PDE6D: variants seen among roughly 807,000 people sequenced by gnomAD.
The protein encoded by PDE6D is retinal rod rhodopsin-sensitive cGMP 3',5'-cyclic phosphodiesterase subunit delta.
PDE6D carries 10 observed loss-of-function variants against 21.9 expected under a neutral mutation model. The ratio of observed to expected loss-of-function variants is 0.46; its 90% CI spans 0.28 to 0.78. The LOEUF (loss-of-function observed/expected upper bound fraction) is 0.78. Ranked by LOEUF, PDE6D falls within the 30% of genes least tolerant of loss-of-function variation. The probability of loss-of-function intolerance (pLI) is 0.12; values close to 1 mark genes in which losing one functional copy is unlikely to be tolerated. For synonymous variants in PDE6D, 59 were observed against 63.5 expected (o/e 0.93, Z 0.34); for missense variants, 139 against 184.8 (o/e 0.75, Z 1.44).
chr2:231,755,974 C>T (rs1391826134), intron 1 of PDE6D, among the ~76,000 whole-genome samples: 2 of 151,826 alleles, frequency 1.3e-5, no homozygotes, highest in African/African-American at 4.8e-5. Context: ...AAAAACTGTG[C>T]ACTTCTGAAA....
chr2:231,760,357 C>T (rs1215948006), intron 1 of PDE6D, among the ~76,000 whole-genome samples: 6 of 152,168 alleles, frequency 3.9e-5, no homozygotes, highest in South Asian at 2.1e-4. Flanking sequence ...AGATAGTATG[C>T]TAATAATTTA....
chr2:231,738,946 A>C (rs955669502), intron 2 of PDE6D, among the ~76,000 whole-genome samples, 154 bp downstream of exon 2: 3 of 146,800 alleles, frequency 2.0e-5, no homozygotes, highest in African/African-American at 7.5e-5. Context: ...AAAAAAAAAG[A>C]AAGTAACTGA....
In PDE6D at chr2:231,734,158, G is replaced by A. The variant is rs541180553; in HGVS notation, c.372-1125C>T. 3.4e-4 allele frequency among the ~76,000 whole-genome samples: 51 copies of A among 151,720 alleles called. No homozygotes were observed. In the South Asian group the frequency reaches 4.4e-3, roughly 13 times the overall value. On this transcript the variant is annotated intron_variant, in intron 4 of 4. Coordinates refer to ENST00000287600, the MANE Select transcript of PDE6D (RefSeq NM_002601.4). ...GAACCCGGGAGGCGGAGCTTGCAGT[G>A]AGCCGAGATCACGCCACTGCACTCC... is the stretch of plus-strand genomic sequence containing the variant.
intron 1 of PDE6D, among the ~76,000 whole-genome samples, chr2:231,751,261 A>G (rs999750908): frequency 3.3e-5 from 5 of 151,992 alleles, no homozygotes; most frequent in African/African-American, 1.2e-4. Context: ...GGCTCAATTG[A>G]TCCTCCCACT....
At chr2:231,772,651 C>T (rs1237136510) in intron 1 of PDE6D, among the ~76,000 whole-genome samples, 3 of 152,164 alleles carry the variant, frequency 2.0e-5, no homozygotes, top group Admixed American at 2.0e-4. Context: ...ATGCAGAATG[C>T]TGACAAGTGA....
intron 1 of PDE6D, among the ~76,000 whole-genome samples, chr2:231,756,601 CTT>C (rs78576087): frequency 5.8e-4 from 67 of 116,410 alleles, no homozygotes; most frequent in Middle Eastern, 4.6e-3. Context: ...CTAAACCTGG[CTT>C]TTTTTTTTTT....
intron 1 of PDE6D, among the ~76,000 whole-genome samples, chr2:231,778,564 C>CT (rs2106290815): frequency 6.6e-6 from 1 of 152,278 alleles, no homozygotes; most frequent in Non-Finnish European, 1.5e-5. Context: ...GGATCAGGTG[C>CT]TTTTCTAAAT....
chr2:231,743,158 G>A (rs1239444417), intron 1 of PDE6D, among the ~76,000 whole-genome samples: 2 of 151,994 alleles, frequency 1.3e-5, no homozygotes, highest in Non-Finnish European at 2.9e-5. Flanking sequence ...GGGCGTCGTG[G>A]CTCACGCCTG....
chr2:231,750,004 A>G (rs2048825012), intron 1 of PDE6D, among the ~76,000 whole-genome samples: 1 of 152,108 alleles, frequency 6.6e-6, no homozygotes, highest in African/African-American at 2.4e-5. Flanking sequence ...CTCAACTTGA[A>G]TTGTATCTCC....
chr2:231,746,145 CT>C (rs1457942759), intron 1 of PDE6D, among the ~76,000 whole-genome samples: 1 of 151,870 alleles, frequency 6.6e-6, no homozygotes, highest in African/African-American at 2.4e-5. Context: ...TTTTATTTTA[CT>C]TTATTTTATT....
chr2:231,765,938 T>C (rs940608746), intron 1 of PDE6D, among the ~76,000 whole-genome samples: 5 of 152,248 alleles, frequency 3.3e-5, no homozygotes, highest in Non-Finnish European at 7.3e-5. Context: ...ATACCACTTA[T>C]GTCAGAGCCC....
intron 1 of PDE6D, among the ~76,000 whole-genome samples, chr2:231,777,094 C>G (rs1483253862): frequency 6.6e-6 from 1 of 152,134 alleles, no homozygotes; most frequent in African/African-American, 2.4e-5. Context: ...ACGTGGAAAA[C>G]TGAGTACTAT....
intron 1 of PDE6D, chr2:231,779,055 T>C (rs1457776762): frequency 6.6e-6 from 1 of 152,270 alleles, no homozygotes; most frequent in Non-Finnish European, 1.5e-5. Flanking sequence ...CTGAAGGTAG[T>C]AGCATATCTT....
At chr2:231,776,773 T>C (rs2049061276) in intron 1 of PDE6D, among the ~76,000 whole-genome samples, 1 of 152,244 alleles carries the variant, frequency 6.6e-6, no homozygotes, top group Non-Finnish European at 1.5e-5. Context: ...TCAATCTCTA[T>C]GTCAGCTGCT....
Sources: allele counts gnomAD v4.1 joint callset (sites outside exome capture counted in the v4.1 genomes callset), GRCh38; gene constraint gnomAD v4.1.1; transcripts MANE v1.5; gene names NCBI Gene and HGNC (gene_info 2026-07-23, HGNC 2026-07-21).